Variants in GREM2 observed in about 807,000 individuals in gnomAD.
GREM2 encodes gremlin-2.
Under a neutral mutation model 14.2 loss-of-function variants are expected in GREM2, and 11 were observed. The observed-to-expected ratio is 0.78, with a 90% confidence interval of 0.49 to 1.28. The LOEUF (loss-of-function observed/expected upper bound fraction) is 1.28, where lower values mean the gene tolerates loss of function less well. Ranked by LOEUF, GREM2 falls within the 50% of genes most tolerant of loss-of-function variation. The pLI is 0.00. For missense variants in GREM2, 210 were observed against 218.5 expected (o/e 0.96, Z 0.24); for synonymous variants, 98 against 97.6 (o/e 1.00, Z -0.02).
chr1:240,598,527 G>T (rs578061507), intron 1 of GREM2, among the ~76,000 whole-genome samples: 8 of 152,224 alleles, frequency 5.3e-5, no homozygotes, highest in African/African-American at 1.7e-4. Context: ...AAATCCATAT[G>T]GTGCCTTTTC....
At chr1:240,589,893 G>A (rs1277851253) in intron 1 of GREM2, among the ~76,000 whole-genome samples, 3 of 152,126 alleles carry the variant, frequency 2.0e-5, no homozygotes, top group East Asian at 1.9e-4. Flanking sequence ...GGGTCTGGAC[G>A]GATGGGTAGA....
intron 1 of GREM2, among the ~76,000 whole-genome samples, chr1:240,522,627 A>G (rs143152086): frequency 9.3e-4 from 142 of 152,302 alleles, no homozygotes; most frequent in African/African-American, 3.2e-3. Context: ...CTGAGAAAAC[A>G]TTGACTTACA....
intron 1 of GREM2, among the ~76,000 whole-genome samples, chr1:240,496,085 C>T (rs566289203): frequency 6.4e-4 from 98 of 152,100 alleles, no homozygotes; most frequent in Middle Eastern, 6.8e-3. Flanking sequence ...TACAGGCGCG[C>T]GCCACCAGGC....
intron 1 of GREM2, among the ~76,000 whole-genome samples, chr1:240,586,419 C>T (rs922588091): frequency 1.3e-5 from 2 of 152,206 alleles, no homozygotes; most frequent in African/African-American, 4.8e-5. Flanking sequence ...AGAGAGACTT[C>T]TCACTGAGTG....
intron 1 of GREM2, among the ~76,000 whole-genome samples, chr1:240,514,735 C>CA (rs1209004868): frequency 3.3e-5 from 5 of 152,206 alleles, no homozygotes; most frequent in South Asian, 2.1e-4. Flanking sequence ...ACCATCTCTA[C>CA]AAAAAAATTT....
intron 1 of GREM2, among the ~76,000 whole-genome samples, chr1:240,609,360 T>C (rs567112097): frequency 3.9e-5 from 6 of 152,156 alleles, no homozygotes; most frequent in African/African-American, 1.4e-4. Flanking sequence ...CATTGGTCAG[T>C]GTTGAGTCTG....
rs1253433623 is a variant in GREM2 at position 240,493,287 on chromosome 1, G to A, written c.189C>T (p.Thr63=). 1.1e-5 allele frequency: 18 copies of A among 1,613,936 alleles called. No homozygotes were observed. Among genetic ancestry groups the A allele is most frequent in the Non-Finnish European group, 1.5e-5 (18 of 1,179,926 alleles). The stretch of plus-strand genomic sequence containing the variant: ...AGTCACTCTTGAGGTACTTGCGCTC[G>A]GTGACCACCAGGGCCTCCTGGCTGG... ...LASSQEALVV[T]ERKYLKSDWC... The change falls in exon 2 of 2, where the codon ACC becomes ACT. Residue 63 remains threonine (T), a synonymous_variant. Transcript: ENST00000318160.
chr1:240,544,422 C>T (rs1236202498), intron 1 of GREM2, among the ~76,000 whole-genome samples: 1 of 152,182 alleles, frequency 6.6e-6, no homozygotes, highest in African/African-American at 2.4e-5. Context: ...GCTGGGATTA[C>T]AGGCGTGAGC....
intron 1 of GREM2, among the ~76,000 whole-genome samples, chr1:240,609,865 T>A (rs1680099798): frequency 6.6e-6 from 1 of 152,146 alleles, no homozygotes; most frequent in Non-Finnish European, 1.5e-5. Flanking sequence ...TAAAGGCATG[T>A]ACCTTGTTTA....
chr1:240,537,010 T>G lies in GREM2; in HGVS notation c.-1-43534A>C, dbSNP rs553089962. On this transcript the variant is annotated intron_variant, in intron 1 of 1. Coordinates refer to ENST00000318160, the MANE Select transcript of GREM2 (RefSeq NM_022469.4). ...AAAGAAGATAAACTGGAATGACCAA[T>G]TAATTCCTAAGACTTAGATACATTA... is the stretch of plus-strand genomic sequence containing the variant. Among the ~76,000 whole-genome samples, 86 of 152,324 alleles carry G rather than the reference T, an allele frequency of 5.6e-4. 1 individual carries two copies. Among genetic ancestry groups the G allele is most frequent in the Admixed American group, 4.5e-3 (69 of 15,302 alleles).
At chr1:240,547,392 CAA>C (rs1678754588) in intron 1 of GREM2, among the ~76,000 whole-genome samples, 1 of 150,310 alleles carries the variant, frequency 6.7e-6, no homozygotes, top group Admixed American at 6.7e-5. Context: ...CCCAGCTACT[CAA>C]GAGGCTGAGG....
intron 1 of GREM2, among the ~76,000 whole-genome samples, chr1:240,574,211 C>T (rs576904014): frequency 1.3e-5 from 2 of 152,226 alleles, no homozygotes; most frequent in South Asian, 4.2e-4. Context: ...TGAGCCACTG[C>T]ACCCAGCCTG....
chr1:240,569,825 G>GA (rs1679227040), intron 1 of GREM2, among the ~76,000 whole-genome samples: 1 of 152,090 alleles, frequency 6.6e-6, no homozygotes, highest in Admixed American at 6.5e-5. Flanking sequence ...AACTATGAAA[G>GA]AAAAAATTGA....
chr1:240,562,536 C>A (rs56731865), intron 1 of GREM2, among the ~76,000 whole-genome samples: 20 of 152,088 alleles, frequency 1.3e-4, no homozygotes, highest in Non-Finnish European at 2.1e-4. Context: ...CACCTTTCAC[C>A]GAAGGTGTAA....
At chr1:240,532,146 C>T (rs1007306493) in intron 1 of GREM2, among the ~76,000 whole-genome samples, 6 of 143,404 alleles carry the variant, frequency 4.2e-5, no homozygotes, top group African/African-American at 7.7e-5. Flanking sequence ...TGCAGTGGCA[C>T]GATCTCGGCT....
chr1:240,592,853 G>A (rs1027545691), intron 1 of GREM2, among the ~76,000 whole-genome samples: 3 of 152,002 alleles, frequency 2.0e-5, no homozygotes, highest in East Asian at 1.9e-4. Flanking sequence ...GGTAATCTTG[G>A]CCGGGCACGG....
chr1:240,594,669 A>T (rs1259950348), intron 1 of GREM2, among the ~76,000 whole-genome samples: 1 of 152,092 alleles, frequency 6.6e-6, no homozygotes, highest in Non-Finnish European at 1.5e-5. Flanking sequence ...GTGAAATTCA[A>T]AGCAAAAACT....
chr1:240,559,332 C>CA (rs1474267891), intron 1 of GREM2, among the ~76,000 whole-genome samples: 2 of 142,834 alleles, frequency 1.4e-5, no homozygotes, highest in African/African-American at 5.2e-5. Context: ...CCAATCTCAT[C>CA]AAAAAGTCTT....
chr1:240,545,750 C>A (rs540606829), intron 1 of GREM2, among the ~76,000 whole-genome samples: 3 of 152,146 alleles, frequency 2.0e-5, no homozygotes, highest in African/African-American at 7.2e-5. Context: ...AAGCCCCACA[C>A]GTCTGGCGTC....
Sources: allele counts gnomAD v4.1 joint callset (sites outside exome capture counted in the v4.1 genomes callset), GRCh38; gene constraint gnomAD v4.1.1; transcripts MANE v1.5; gene names NCBI Gene and HGNC (gene_info 2026-07-23, HGNC 2026-07-21).